ELP2: variants seen among roughly 807,000 people sequenced by gnomAD.
ELP2 encodes elongator complex protein 2.
Under a neutral mutation model 119.2 loss-of-function variants are expected in ELP2, and 90 were observed. The observed-to-expected ratio is 0.75, with a 90% CI of 0.64 to 0.90. The LOEUF is 0.90. Among genes scored for constraint, ELP2 ranks in the 40% least tolerant of loss-of-function variants. The pLI, the probability that ELP2 is intolerant of heterozygous loss-of-function variation, is 0.00. For synonymous variants in ELP2, 339 were observed against 331.0 expected (o/e 1.02, Z -0.26); for missense variants, 921 against 967.8 (o/e 0.95, Z 0.64).
intron 5 of ELP2, among the ~76,000 whole-genome samples, chr18:36,140,203 T>C (rs2089972726): frequency 6.6e-6 from 1 of 152,174 alleles, no homozygotes; most frequent in African/African-American, 2.4e-5. Context: ...TCTCATTCTG[T>C]TGCCCAGGCT....
At chr18:36,135,728 GT>G (rs1356805045) in intron 2 of ELP2, among the ~76,000 whole-genome samples, 4 of 152,120 alleles carry the variant, frequency 2.6e-5, no homozygotes, top group Non-Finnish European at 5.9e-5. Context: ...TGCCAAGAGT[GT>G]TTAGCCTGCA....
chr18:36,148,525 A>G (rs1412344143), intron 11 of ELP2, among the ~76,000 whole-genome samples: 1 of 152,052 alleles, frequency 6.6e-6, no homozygotes, highest in East Asian at 1.9e-4. Flanking sequence ...TGTACTTAAC[A>G]CCTCAGGCCA....
At position 36,180,139 on chromosome 18, in the gene ELP2, G is replaced by A. The variant is rs1568042702; in HGVS notation, c.*5498G>A. 1 of 152,328 alleles carries A rather than the reference G, an allele frequency of 6.6e-6. No individual in the cohort carries two copies. The highest frequency in any genetic ancestry group is 1.9e-4 in the East Asian group (1 of 5,184). 9.4% of individuals were successfully genotyped at this position (152,328 alleles called of 1,614,324 possible). On this transcript the variant is annotated 3_prime_UTR_variant, in exon 22 of 22. Transcript: ENST00000358232. The stretch of plus-strand genomic sequence containing the variant: ...CGCTGTCTGACGTCCTTAGTATGAG[G>A]CTTTCACCTTCCAGGATGGCTGCTT...
chr18:36,153,875 C>T (rs1349116847), intron 11 of ELP2, among the ~76,000 whole-genome samples: 1 of 151,856 alleles, frequency 6.6e-6, no homozygotes, highest in Non-Finnish European at 1.5e-5. Flanking sequence ...CAACTTGTAG[C>T]CTCCCCCACT....
intron 1 of ELP2, among the ~76,000 whole-genome samples, 174 bp from the exon 2 acceptor site, chr18:36,133,064 G>A (rs927024086): frequency 6.6e-6 from 1 of 152,142 alleles, no homozygotes; most frequent in African/African-American, 2.4e-5. Context: ...CTGATTTAGA[G>A]GAATGGATGA....
At position 36,174,561 on chromosome 18, in the gene ELP2, G is replaced by T. The variant is rs2144846761; in HGVS notation, c.2401G>T (p.Gly801Cys). 2 of 1,614,142 alleles carry T rather than the reference G, an allele frequency of 1.2e-6. No homozygotes were observed. Among genetic ancestry groups the T allele is most frequent in the East Asian group, 4.5e-5 (2 of 44,872 alleles). The change falls in exon 22 of 22, where the codon GGT becomes TGT. Residue 801 changes from glycine to cysteine, a missense_variant. By Grantham distance (159) the Gly-to-Cys change is radical (BLOSUM62 -3). Coordinates refer to ENST00000358232, the MANE Select transcript of ELP2 (RefSeq NM_018255.4). ...SGKTEQKEAE[G>C]AEWLHFASCG... ...AAAAACTGAACAGAAGGAAGCAGAA[G>T]GTGCTGAGTGGTTACACTTTGCAAG...
chr18:36,140,622 A>G (rs760403075), intron 5 of ELP2, among the ~76,000 whole-genome samples: 3 of 152,108 alleles, frequency 2.0e-5, no homozygotes, highest in Admixed American at 6.6e-5. Context: ...ATAACGCCCT[A>G]GGATTACAGG....
At chr18:36,139,481 C>T in intron 5 of ELP2, 1 of 1,535,744 alleles carries the variant, frequency 6.5e-7, no homozygotes, top group South Asian at 1.2e-5. Flanking sequence ...CTCTCTCGCC[C>T]TCTGTAGCAG....
At chr18:36,161,646 G>T (rs1278605606) in intron 17 of ELP2, among the ~76,000 whole-genome samples, 1 of 152,084 alleles carries the variant, frequency 6.6e-6, no homozygotes. Context: ...TATCCGAAGG[G>T]TCTGAAACCC....
intron 19 of ELP2, 127 bp downstream of exon 19, chr18:36,167,349 C>A (rs1031084845): frequency 5.8e-6 from 4 of 683,924 alleles, no homozygotes; most frequent in Non-Finnish European, 9.2e-6. Context: ...GTATTCCTTT[C>A]TGTTTTTCGT....
chr18:36,169,669 TGA>T (rs2091018529), intron 19 of ELP2, among the ~76,000 whole-genome samples: 2 of 152,172 alleles, frequency 1.3e-5, no homozygotes, highest in Non-Finnish European at 2.9e-5. Flanking sequence ...ATTACAGGCA[TGA>T]GCCACCGCGC....
At chr18:36,139,445 C>T (rs996849878) in intron 5 of ELP2, 21 of 1,535,474 alleles carry the variant, frequency 1.4e-5, no homozygotes, top group African/African-American at 2.7e-5. Flanking sequence ...CCAGGTGGAA[C>T]GAGGCAGGGC....
In ELP2 at chr18:36,167,308, C is replaced by T. The variant is rs1040901966; in HGVS notation, c.2076+86C>T. 2.0e-5 allele frequency: 21 copies of T among 1,030,474 alleles called. No individual in the cohort carries two copies. In the African/African-American group the frequency reaches 2.9e-4, roughly 14 times the overall value. 63.8% of individuals were successfully genotyped at this position (1,030,474 alleles called of 1,614,324 possible). A position where few individuals can be genotyped will look rare whatever the true frequency, so the allele number is the denominator to read the frequency against. ...TTGAATAAAAAATGCATAATCCTGC[C>T]TTTCTGTTACAGCTTTTAAAAATCA... is the stretch of plus-strand genomic sequence containing the variant. On this transcript the variant is annotated intron_variant, in intron 19 of 21. Transcript: ENST00000358232.
chr18:36,131,812 T>A (rs1441131542), intron 1 of ELP2, among the ~76,000 whole-genome samples: 1 of 152,206 alleles, frequency 6.6e-6, no homozygotes, highest in Non-Finnish European at 1.5e-5. Context: ...TTTGTTTCCA[T>A]GTATTCCATC....
chr18:36,153,919 C>CCAAA (rs2090481596), intron 11 of ELP2, among the ~76,000 whole-genome samples: 1 of 151,970 alleles, frequency 6.6e-6, no homozygotes, highest in Non-Finnish European at 1.5e-5. Flanking sequence ...TTTTTAAAAG[C>CCAAA]CAAACACTGC....
At chr18:36,148,875 CA>C (rs1052853289) in intron 11 of ELP2, among the ~76,000 whole-genome samples, 6 of 148,104 alleles carry the variant, frequency 4.1e-5, no homozygotes, top group Admixed American at 6.7e-5. Context: ...GACCCTGTCT[CA>C]AAAAAAAAAT....
intron 11 of ELP2, among the ~76,000 whole-genome samples, chr18:36,150,981 AG>A (rs1176570987): frequency 3.9e-5 from 6 of 151,968 alleles, no homozygotes; most frequent in African/African-American, 1.5e-4. Flanking sequence ...CTTGCTGCCA[AG>A]GGTTGAGCCA....
rs150730019 is a variant in ELP2 at position 36,132,744 on chromosome 18, C to T, written c.139-494C>T. ...GTGCCACTGGGTCTGAAAAACCCAC[C>T]GTCTCATTGGCCATTGGCATGCAAA... On this transcript the variant is annotated intron_variant, in intron 1 of 21. Transcript: ENST00000358232. 2.5e-4 allele frequency among the ~76,000 whole-genome samples: 38 copies of T among 152,178 alleles called. No homozygotes were observed. The East Asian group carries it at 6.6e-3, about 26-fold the overall frequency.
intron 17 of ELP2, among the ~76,000 whole-genome samples, chr18:36,161,854 A>G (rs1568015905): frequency 6.6e-6 from 1 of 151,854 alleles, no homozygotes; most frequent in Non-Finnish European, 1.5e-5. Flanking sequence ...TTGAAATGGT[A>G]CTGAGAGGAC....
Sources: gnomAD v4.1 joint callset for allele counts (sites outside exome capture counted in the v4.1 genomes callset) on GRCh38, gnomAD v4.1.1 for gene constraint, MANE v1.5 for transcripts, NCBI Gene and HGNC (gene_info 2026-07-23, HGNC 2026-07-21) for gene names.